The following SLC22A4 variants were observed in gnomAD, a reference collection of about 807,000 sequenced individuals.
SLC22A4 encodes ET transporter.
A neutral mutation model predicts 56.6 loss-of-function variants in SLC22A4; 39 were observed. The observed-to-expected ratio is 0.69, with a 90% confidence interval of 0.53 to 0.90. The LOEUF (loss-of-function observed/expected upper bound fraction) is 0.90, where lower values mean the gene tolerates loss of function less well. Among genes scored for constraint, SLC22A4 ranks in the 40% least tolerant of loss-of-function variants. The pLI is 0.00. For missense variants in SLC22A4, 594 were observed against 696.5 expected (o/e 0.85, Z 1.66); for synonymous variants, 241 against 281.4 (o/e 0.86, Z 1.44).
rs1388365833 is a variant in SLC22A4, at chr5:132,294,760, C to T, written c.144C>T (p.His48=). 1.9e-6 allele frequency: 3 copies of T among 1,613,786 alleles called. No homozygotes were observed. The highest frequency in any genetic ancestry group is 2.5e-6 in the Non-Finnish European group (3 of 1,180,024). Residue 48 remains histidine (H), a synonymous_variant, in exon 1 of 10, where the codon CAC becomes CAT. Coordinates refer to ENST00000200652, the MANE Select transcript of SLC22A4 (RefSeq NM_003059.3). The surrounding 1 kb of genome is among the most constrained non-coding windows in gnomAD (Gnocchi z 5.6). ...SVVFLAGTPE[H]RCRVPDAANL... ...TGTTCCTGGCGGGGACCCCGGAGCA[C>T]CGCTGTCGAGTGCCGGACGCCGCGA...
chr5:132,298,275 A>G (rs1749824162), intron 1 of SLC22A4, among the ~76,000 whole-genome samples: 1 of 152,262 alleles, frequency 6.6e-6, no homozygotes, highest in Non-Finnish European at 1.5e-5. Context: ...ATAATGTGGT[A>G]TATGCGTACA....
chr5:132,331,918 A>G, intron 6 of SLC22A4, 68 bp downstream of exon 6: 2 of 1,004,598 alleles, frequency 2.0e-6, no homozygotes, highest in Non-Finnish European at 3.2e-6. Flanking sequence ...TTCTTAACTC[A>G]GAGGAACATT....
At chr5:132,341,205 G>A (rs996999441) in intron 9 of SLC22A4, among the ~76,000 whole-genome samples, 2 of 151,964 alleles carry the variant, frequency 1.3e-5, no homozygotes, top group Admixed American at 1.3e-4. Flanking sequence ...GGATCATGAG[G>A]TCAAGAGATC....
At chr5:132,296,573 G>T (rs1171607516) in intron 1 of SLC22A4, among the ~76,000 whole-genome samples, 1 of 152,216 alleles carries the variant, frequency 6.6e-6, no homozygotes, top group Non-Finnish European at 1.5e-5. Flanking sequence ...ACTGCCTTTG[G>T]ATCCCCCAGC....
In SLC22A4 at chr5:132,340,585, C is replaced by T; in HGVS notation, c.1465C>T (p.Pro489Ser). 6.2e-7 allele frequency: 1 copy of T among 1,613,992 alleles called. No homozygotes were observed. Among genetic ancestry groups the T allele is most frequent in the African/African-American group, 1.3e-5 (1 of 75,030 alleles). The stretch of plus-strand genomic sequence containing the variant: ...TACAGGTGCTTACAACAGAATGCTG[C>T]CCTACATCGTCATGGGTAGTCTGAC... ...VYLGAYNRML[P>S]YIVMGSLTVL... The change falls in exon 9 of 10, where the codon CCC (proline) becomes TCC (serine). Residue 489 changes from proline to serine, a missense_variant. By Grantham distance (74) the Pro-to-Ser change is moderately conservative. Transcript: ENST00000200652.
rs1203129583 is a variant in SLC22A4, at chr5:132,334,912, T to C, written c.1241T>C (p.Phe414Ser). ...TTCTGGGGAGGAGGTGTGCTTCTCT[T>C]CATTCAACTGGTACCTGTGGGTAAG... ...VLFWGGGVLL[F>S]IQLVPVDYYF... Residue 414 changes from phenylalanine to serine, a missense_variant, in exon 7 of 10, where the codon TTC (phenylalanine) becomes TCC (serine). Transcript: ENST00000200652. 1.2e-6 allele frequency: 2 copies of C among 1,612,482 alleles called. No homozygotes were observed. Among genetic ancestry groups the C allele is most frequent in the Admixed American group, 3.3e-5 (2 of 60,006 alleles).
intron 5 of SLC22A4, among the ~76,000 whole-genome samples, chr5:132,330,344 G>T (rs1283647339): frequency 6.6e-6 from 1 of 152,204 alleles, no homozygotes; most frequent in Non-Finnish European, 1.5e-5. Context: ...CCACCTCAGA[G>T]CCTAATAACT....
chr5:132,324,131 A>G (rs746403463), intron 4 of SLC22A4, among the ~76,000 whole-genome samples: 3 of 152,114 alleles, frequency 2.0e-5, no homozygotes, highest in Non-Finnish European at 4.4e-5. Context: ...GTTCAAGATT[A>G]CAGTGCGCTA....
At chr5:132,297,874 A>G (rs975262310) in intron 1 of SLC22A4, among the ~76,000 whole-genome samples, 1 of 151,874 alleles carries the variant, frequency 6.6e-6, no homozygotes, top group Admixed American at 6.6e-5. Flanking sequence ...CTTGAGCCCA[A>G]GAGTTTGAGG....
At chr5:132,311,151 G>C (rs1750169780) in intron 1 of SLC22A4, 1 of 152,196 alleles carries the variant, frequency 6.6e-6, no homozygotes, top group East Asian at 1.9e-4. Flanking sequence ...GGAATTGTTT[G>C]GCGAATGCAG....
At chr5:132,308,372 A>ATTTTTT (rs56259514) in intron 1 of SLC22A4, among the ~76,000 whole-genome samples, 14 of 61,328 alleles carry the variant, frequency 2.3e-4, no homozygotes, top group South Asian at 6.1e-4. Context: ...TGATTAAGCA[A>ATTTTTT]TTTTTTTTTT....
chr5:132,331,855 G>A lies in SLC22A4; in HGVS notation c.1046+5G>A, dbSNP rs2304081. ...CATTATGTCTTTGCTGCTATGGTAA[G>A]TAATAAGTGACCTGGAAATGCAGAT... On this transcript the variant is annotated splice_donor_5th_base_variant and intron_variant, in intron 6 of 9. Transcript: ENST00000200652. The A allele has an allele frequency of 0.077, 120,622 of 1,563,466 alleles. 5,927 individuals are homozygous for A. The highest frequency in any genetic ancestry group is 0.29 in the East Asian group (12,883 of 44,530).
At chr5:132,331,323 A>G (rs985257510) in intron 5 of SLC22A4, among the ~76,000 whole-genome samples, 4 of 151,664 alleles carry the variant, frequency 2.6e-5, no homozygotes, top group African/African-American at 9.7e-5. Flanking sequence ...CCACAGAGCT[A>G]GACTCCATCT....
chr5:132,314,946 C>A (rs1326583460), intron 3 of SLC22A4, among the ~76,000 whole-genome samples: 2 of 152,132 alleles, frequency 1.3e-5, no homozygotes. Flanking sequence ...TTCAGCAGGC[C>A]CCAGCGGGAG....
intron 1 of SLC22A4, among the ~76,000 whole-genome samples, chr5:132,304,401 G>A (rs974964333): frequency 3.9e-5 from 6 of 152,244 alleles, no homozygotes; most frequent in African/African-American, 1.4e-4. Flanking sequence ...TGGATCACCT[G>A]AGGCCGGGAG....
intron 1 of SLC22A4, among the ~76,000 whole-genome samples, chr5:132,303,716 A>G (rs1035470929): frequency 6.6e-6 from 1 of 152,226 alleles, no homozygotes; most frequent in Non-Finnish European, 1.5e-5. Context: ...TGAGAATATT[A>G]GAGCCTTGAT....
intron 3 of SLC22A4, among the ~76,000 whole-genome samples, chr5:132,321,569 T>G (rs888928431): frequency 6.6e-6 from 1 of 152,192 alleles, no homozygotes; most frequent in Admixed American, 6.5e-5. Flanking sequence ...CAGAAGGGAT[T>G]AGCTCTTGGG....
chr5:132,302,419 A>G (rs1434044861), intron 1 of SLC22A4, among the ~76,000 whole-genome samples: 1 of 152,098 alleles, frequency 6.6e-6, no homozygotes, highest in East Asian at 1.9e-4. Context: ...AGACTAATAC[A>G]GGTGTGCCTT....
chr5:132,334,735 G>A lies in SLC22A4; in HGVS notation c.1064G>A (p.Gly355Asp), dbSNP rs1750968728. 6.2e-7 allele frequency: 1 copy of A among 1,613,348 alleles called. No homozygotes were observed. The highest frequency in any genetic ancestry group is 2.2e-5 in the East Asian group (1 of 44,880). Residue 355 changes from glycine (G) to aspartate (D), a missense_variant, in exon 7 of 10, where the codon GGT becomes GAT. By Grantham distance (94) the Gly-to-Asp change is moderately conservative (BLOSUM62 -1). Coordinates refer to ENST00000200652, the MANE Select transcript of SLC22A4 (RefSeq NM_003059.3). ...SLLLWMLTSVGYFALSLDAPN... is the reference protein window; with the variant it reads ...SLLLWMLTSVDYFALSLDAPN... ...TCTTTCAGGATGCTGACCTCAGTGG[G>A]TTACTTTGCTCTGTCTCTGGATGCT...
Sources: gnomAD v4.1 joint callset for allele counts (sites outside exome capture counted in the v4.1 genomes callset) on GRCh38, gnomAD v4.1.1 for gene constraint, Gnocchi (gnomAD v3.1) non-coding constraint, MANE v1.5 for transcripts, NCBI Gene and HGNC (gene_info 2026-07-23, HGNC 2026-07-21) for gene names.